Variants in CAB39L observed in about 807,000 individuals in gnomAD.
CAB39L encodes calcium-binding protein 39-like.
A neutral mutation model predicts 39.1 loss-of-function variants in CAB39L; 23 were observed. That is an observed-to-expected ratio of 0.59 (90% CI 0.42 to 0.83). CAB39L has a LOEUF of 0.83. Ranked by LOEUF, CAB39L falls within the 40% of genes least tolerant of loss-of-function variation. The pLI is 0.00. For missense variants in CAB39L, 366 were observed against 391.9 expected (o/e 0.93, Z 0.56); for synonymous variants, 126 against 137.2 (o/e 0.92, Z 0.57).
intron 3 of CAB39L, among the ~76,000 whole-genome samples, chr13:49,400,465 CACACACACACACAT>C (rs1203479436): frequency 5.2e-4 from 76 of 146,132 alleles, no homozygotes; most frequent in African/African-American, 1.7e-3. Context: ...CACACACACA[CACACACACACACAT>C]GGTTATATTA....
chr13:49,380,142 TA>T, intron 4 of CAB39L, among the ~76,000 whole-genome samples: 1 of 152,312 alleles, frequency 6.6e-6, no homozygotes, highest in Non-Finnish European at 1.5e-5. Flanking sequence ...TCCGGCCCAG[TA>T]ATCTTTTAAA....
chr13:49,407,088 A>G (rs1358010582), intron 3 of CAB39L, among the ~76,000 whole-genome samples: 1 of 152,182 alleles, frequency 6.6e-6, no homozygotes, highest in Non-Finnish European at 1.5e-5. Flanking sequence ...CAACCTATAA[A>G]TGGTGTAGTT....
chr13:49,352,552 G>A (rs151237045), intron 6 of CAB39L, among the ~76,000 whole-genome samples: 204 of 151,826 alleles, frequency 1.3e-3, no homozygotes, highest in African/African-American at 4.8e-3. Context: ...TCAGGAGTTC[G>A]AGACCAGCCT....
chr13:49,374,160 T>C (rs1555259465), intron 5 of CAB39L, among the ~76,000 whole-genome samples: 1 of 152,208 alleles, frequency 6.6e-6, no homozygotes, highest in Non-Finnish European at 1.5e-5. Context: ...AGTATCACAT[T>C]CACTTATAAT....
chr13:49,314,860 T>G (rs1954109984), intron 10 of CAB39L, among the ~76,000 whole-genome samples: 1 of 152,208 alleles, frequency 6.6e-6, no homozygotes, highest in Admixed American at 6.5e-5. Context: ...GTATATGTAT[T>G]CTACTCCATG....
chr13:49,352,010 G>A (rs994094663), intron 6 of CAB39L, among the ~76,000 whole-genome samples: 2 of 152,058 alleles, frequency 1.3e-5, no homozygotes, highest in Non-Finnish European at 2.9e-5. Flanking sequence ...AGGTCTCCTT[G>A]GCAGTATGAT....
intron 4 of CAB39L, among the ~76,000 whole-genome samples, chr13:49,378,149 C>T (rs1299820307): frequency 1.2e-5 from 1 of 80,026 alleles, no homozygotes; most frequent in East Asian, 2.3e-4. Context: ...AGGAGCCCCT[C>T]CGCCCGGCAG....
chr13:49,378,146 C>T (rs1409274557), intron 4 of CAB39L, among the ~76,000 whole-genome samples: 29 of 75,250 alleles, frequency 3.9e-4, no homozygotes, highest in African/African-American at 2.0e-3. Flanking sequence ...GTGAGGAGCC[C>T]CTCCGCCCGG....
At chr13:49,405,634 T>C (rs1177819789) in intron 3 of CAB39L, among the ~76,000 whole-genome samples, 2 of 150,916 alleles carry the variant, frequency 1.3e-5, no homozygotes, top group Admixed American at 6.6e-5. Context: ...TTAGCCAGAA[T>C]TGCTGGCACA....
At chr13:49,315,041 G>A (rs1731642563) in intron 10 of CAB39L, among the ~76,000 whole-genome samples, 1 of 152,166 alleles carries the variant, frequency 6.6e-6, no homozygotes, top group Admixed American at 6.5e-5. Flanking sequence ...ATTTTACCAG[G>A]TGAGGTTCAG....
At chr13:49,341,498 G>A (rs1198500) in intron 8 of CAB39L, among the ~76,000 whole-genome samples, 65,320 of 151,902 alleles carry the variant, frequency 0.43, 14,717 homozygotes, top group Middle Eastern at 0.56. Context: ...TGATCCACCC[G>A]CCTCTTTCAG....
chr13:49,377,872 G>A (rs1394035729), intron 4 of CAB39L, among the ~76,000 whole-genome samples: 3 of 82,300 alleles, frequency 3.6e-5, no homozygotes, highest in Admixed American at 1.1e-4. Context: ...AGTGAGGAGC[G>A]TCTCCGCCCG....
intron 4 of CAB39L, among the ~76,000 whole-genome samples, chr13:49,380,267 G>T (rs1225245430): frequency 1.3e-5 from 2 of 152,130 alleles, no homozygotes; most frequent in Non-Finnish European, 2.9e-5. Flanking sequence ...TTAAAGCATT[G>T]TGTTAAGGTT....
rs193260175 is a variant in CAB39L, at chr13:49,308,769, C to A, written c.*2045G>T. On this transcript the variant is annotated 3_prime_UTR_variant, in exon 11 of 11. Coordinates refer to ENST00000409308, the MANE Select transcript of CAB39L (RefSeq NM_001079670.3). ...TACAGTGAACTTTGTGCAAACAAAT[C>A]CCCCTTTGTGCAAAGGGGGAGCTTC... 91 of 152,632 alleles carry A rather than the reference C, an allele frequency of 6.0e-4. No individual in the cohort carries two copies. The highest frequency in any genetic ancestry group is 1.8e-3 in the African/African-American group (76 of 41,516). The allele number at this position is 152,632 out of a possible 1,614,324, so 9.5% of individuals were successfully genotyped here.
chr13:49,325,518 G>A (rs949883229), intron 10 of CAB39L, among the ~76,000 whole-genome samples: 1 of 152,142 alleles, frequency 6.6e-6, no homozygotes, highest in African/African-American at 2.4e-5. Context: ...GCCGGGAGTG[G>A]TGGCTCACGC....
intron 9 of CAB39L, among the ~76,000 whole-genome samples, chr13:49,338,886 A>G (rs1954922997): frequency 6.6e-6 from 1 of 152,172 alleles, no homozygotes; most frequent in Non-Finnish European, 1.5e-5. Context: ...GACTGTCGTG[A>G]ATGCTCAGGG....
chr13:49,377,824 A>T (rs1225330027), intron 4 of CAB39L, among the ~76,000 whole-genome samples: 2 of 96,098 alleles, frequency 2.1e-5, no homozygotes, highest in Non-Finnish European at 4.2e-5. Context: ...CCCGTCTGGG[A>T]TGTGAGGAGC....
chr13:49,427,695 A>C (rs1957264611), intron 3 of CAB39L, among the ~76,000 whole-genome samples: 1 of 152,234 alleles, frequency 6.6e-6, no homozygotes, highest in Non-Finnish European at 1.5e-5. Flanking sequence ...GCTCAAAAAA[A>C]AATTGTTGAC....
chr13:49,324,974 A>T (rs1014202855), intron 10 of CAB39L, among the ~76,000 whole-genome samples: 1 of 152,216 alleles, frequency 6.6e-6, no homozygotes, highest in Non-Finnish European at 1.5e-5. Context: ...TTCTTTATAT[A>T]CTACTGCAAA....
Sources: allele counts gnomAD v4.1 joint callset (sites outside exome capture counted in the v4.1 genomes callset), GRCh38; gene constraint gnomAD v4.1.1; transcripts MANE v1.5; gene names NCBI Gene and HGNC (gene_info 2026-07-23, HGNC 2026-07-21).